The following MRPS28 variants were observed in gnomAD, a reference collection of about 807,000 sequenced individuals.
MRPS28 encodes small ribosomal subunit protein bS1m.
In MRPS28, 7 loss-of-function variants were observed where a neutral mutation model predicts 10.8. The ratio of observed to expected loss-of-function variants is 0.65; its 90% CI spans 0.37 to 1.22. The LOEUF is 1.22. Ranked by LOEUF, MRPS28 falls within the 50% of genes most tolerant of loss-of-function variation. MRPS28 has a pLI of 0.02. For synonymous variants in MRPS28, 121 were observed against 93.3 expected, an observed-to-expected ratio of 1.30 and a Z score of -1.71; for missense variants, 265 against 232.9, an observed-to-expected ratio of 1.14 and a Z score of -0.90.
chr8:79,998,162 C>T (rs553046798), intron 2 of MRPS28, among the ~76,000 whole-genome samples: 2 of 152,126 alleles, frequency 1.3e-5, no homozygotes, highest in Admixed American at 1.3e-4. Context: ...TAGTACAGGA[C>T]TACTAATTTC....
chr8:80,026,471 C>T (rs1277825440), intron 1 of MRPS28, among the ~76,000 whole-genome samples: 1 of 152,172 alleles, frequency 6.6e-6, no homozygotes, highest in African/African-American at 2.4e-5. Flanking sequence ...TACAATTCAA[C>T]GACAGGCCAG....
At chr8:80,014,721 T>C (rs978466066) in intron 1 of MRPS28, among the ~76,000 whole-genome samples, 3 of 152,216 alleles carry the variant, frequency 2.0e-5, no homozygotes, top group Non-Finnish European at 2.9e-5. Context: ...TCAAAAACTT[T>C]AGCTTCTTTA....
Position 80,027,024 on chromosome 8 carries a change from G to A in MRPS28, c.213+3012C>T, listed in dbSNP as rs75947719. ...TGACACACACATAGCTTCCCCCACT[G>A]TCAACATCCCCCACCAGAGCGGTAC... On this transcript the variant is annotated intron_variant, in intron 1 of 2. Transcript: ENST00000276585. Among the ~76,000 whole-genome samples the A allele has an allele frequency of 8.3e-4, 126 of 152,180 alleles. 1 individual carries two copies. In the East Asian group the frequency reaches 0.012, roughly 14 times the overall value.
chr8:79,941,181 C>T (rs1161573549), intron 2 of MRPS28, among the ~76,000 whole-genome samples: 1 of 152,076 alleles, frequency 6.6e-6, no homozygotes, highest in Admixed American at 6.5e-5. Context: ...ATTAGTGAGA[C>T]TCCAGTCTCA....
intron 1 of MRPS28, 31 bp from the exon 2 acceptor site, chr8:80,003,211 A>C: frequency 7.1e-7 from 1 of 1,402,208 alleles, no homozygotes. Context: ...TTATATACAT[A>C]TAACTCAACA....
intron 2 of MRPS28, among the ~76,000 whole-genome samples, chr8:79,945,216 G>C (rs932006123): frequency 6.6e-6 from 1 of 152,068 alleles, no homozygotes; most frequent in African/African-American, 2.4e-5. Context: ...TAATTTATTA[G>C]GGAAAATATG....
At chr8:80,005,004 G>A (rs184320028) in intron 1 of MRPS28, among the ~76,000 whole-genome samples, 3 of 152,334 alleles carry the variant, frequency 2.0e-5, no homozygotes, top group East Asian at 1.9e-4. Context: ...CCAAATCTAC[G>A]TCTGATTGGT....
intron 2 of MRPS28, among the ~76,000 whole-genome samples, chr8:79,919,933 G>T (rs892152293): frequency 6.1e-5 from 4 of 65,838 alleles, no homozygotes; most frequent in East Asian, 5.2e-4. Context: ...ATCTCCTAAT[G>T]CTATCCCTCC....
chr8:79,973,390 C>T (rs952585798), intron 2 of MRPS28, among the ~76,000 whole-genome samples: 2 of 152,124 alleles, frequency 1.3e-5, no homozygotes, highest in Non-Finnish European at 2.9e-5. Flanking sequence ...CCCTCAGCCA[C>T]GAGCAGTGGT....
At chr8:79,962,803 T>C (rs1292969393) in intron 2 of MRPS28, among the ~76,000 whole-genome samples, 1 of 152,156 alleles carries the variant, frequency 6.6e-6, no homozygotes, top group African/African-American at 2.4e-5. Context: ...TTTACTAGTA[T>C]AAAAGTGATT....
chr8:80,020,760 C>T (rs1809336050), intron 1 of MRPS28, among the ~76,000 whole-genome samples: 1 of 151,868 alleles, frequency 6.6e-6, no homozygotes, highest in South Asian at 2.1e-4. Flanking sequence ...GGAGATTGTT[C>T]GTAAAAAGAC....
At chr8:80,004,267 G>A (rs1001704374) in intron 1 of MRPS28, among the ~76,000 whole-genome samples, 31 of 152,164 alleles carry the variant, frequency 2.0e-4, no homozygotes, top group Admixed American at 1.6e-3. Context: ...TCACACAGCC[G>A]GGTACCCCTC....
At chr8:80,003,290 A>G (rs1027511641) in intron 1 of MRPS28, 110 bp from the exon 2 acceptor site, 6 of 869,810 alleles carry the variant, frequency 6.9e-6, no homozygotes, top group Non-Finnish European at 9.7e-6. Flanking sequence ...TTTAAAATAT[A>G]TGTGGAATTT....
chr8:80,011,145 T>A (rs1586095576), intron 1 of MRPS28, among the ~76,000 whole-genome samples: 2 of 151,498 alleles, frequency 1.3e-5, no homozygotes, highest in East Asian at 1.9e-4. Context: ...ATTTTTATTT[T>A]TTTTTGTAAG....
In MRPS28 at chr8:79,983,089, G is replaced by C. The variant is rs530679800; in HGVS notation, c.395+19910C>G. ...TCTGAGACAAAACTTTCAGAGGAAC[G>C]ATCAGACAGCAGCATTCACGGTTCA... On this transcript the variant is annotated intron_variant, in intron 2 of 2. Transcript: ENST00000276585. Among the ~76,000 whole-genome samples, 25 of 152,056 alleles carry C rather than the reference G, an allele frequency of 1.6e-4. No individual in the cohort carries two copies. The South Asian group carries it at 1.7e-3, about 10-fold the overall frequency.
intron 2 of MRPS28, among the ~76,000 whole-genome samples, chr8:79,985,366 C>T (rs1455272397): frequency 2.0e-5 from 3 of 152,050 alleles, no homozygotes; most frequent in Non-Finnish European, 2.9e-5. Context: ...ATTAGAAGAA[C>T]TAAAAAAGCA....
intron 2 of MRPS28, among the ~76,000 whole-genome samples, chr8:79,920,136 C>A (rs1043342754): frequency 6.6e-5 from 10 of 152,090 alleles, no homozygotes; most frequent in Non-Finnish European, 1.0e-4. Context: ...TTTTTTATGG[C>A]TGCATAGTAT....
chr8:80,030,233 G>A lies in MRPS28; in HGVS notation c.16C>T (p.Arg6Trp), dbSNP rs148719287. MAALC[R>W]TRAVAAESHF... ...CTCTCGGCAGCCACAGCACGGGTCCGACACAGCGCCGCCATGACTTCTTTA... is the reference window on the plus strand; with the variant it reads ...CTCTCGGCAGCCACAGCACGGGTCCAACACAGCGCCGCCATGACTTCTTTA... Residue 6 changes from arginine to tryptophan, a missense_variant, in exon 1 of 3, where the codon CGG becomes TGG. Transcript: ENST00000276585. 2 of 1,613,944 alleles carry A rather than the reference G, an allele frequency of 1.2e-6. No individual in the cohort carries two copies. The highest frequency in any genetic ancestry group is 1.3e-5 in the African/African-American group (1 of 74,934).
At chr8:79,994,095 A>G (rs1468119204) in intron 2 of MRPS28, among the ~76,000 whole-genome samples, 1 of 152,224 alleles carries the variant, frequency 6.6e-6, no homozygotes, top group African/African-American at 2.4e-5. Context: ...ATCCTCATTA[A>G]CACATTAGTA....
Sources: allele counts gnomAD v4.1 joint callset (sites outside exome capture counted in the v4.1 genomes callset), GRCh38; gene constraint gnomAD v4.1.1; transcripts MANE v1.5; gene names NCBI Gene and HGNC (gene_info 2026-07-23, HGNC 2026-07-21).